NALF1: variants seen among roughly 807,000 people sequenced by gnomAD.
NALF1 encodes the protein NALCN channel auxiliary factor 1.
A neutral mutation model predicts 48.4 loss-of-function variants in NALF1; 3 were observed. The ratio of observed to expected loss-of-function variants is 0.06; its 90% CI spans 0.03 to 0.16. The LOEUF (loss-of-function observed/expected upper bound fraction) is 0.16. NALF1 is among the 10% of genes least tolerant of loss of function. The probability of loss-of-function intolerance (pLI) is 1.00; values close to 1 mark genes in which losing one functional copy is unlikely to be tolerated. For missense variants in NALF1, 526 were observed against 571.5 expected, an observed-to-expected ratio of 0.92 and a Z score of 0.81; for synonymous variants, 262 against 245.7, an observed-to-expected ratio of 1.07 and a Z score of -0.62.
chr13:107,673,496 A>G (rs1294831557), intron 1 of NALF1, among the ~76,000 whole-genome samples: 1 of 152,158 alleles, frequency 6.6e-6, no homozygotes, highest in Non-Finnish European at 1.5e-5. Context: ...AAAAGAATCC[A>G]TGAGCTCAGA....
chr13:107,409,043 G>A (rs1242052494), intron 1 of NALF1, among the ~76,000 whole-genome samples: 1 of 152,084 alleles, frequency 6.6e-6, no homozygotes, highest in Admixed American at 6.6e-5. Flanking sequence ...AGCCCAACAT[G>A]AATAGACTGT....
At chr13:107,236,836 C>A (rs7322451) in intron 1 of NALF1, among the ~76,000 whole-genome samples, 25,033 of 152,066 alleles carry the variant, frequency 0.16, 2,584 homozygotes, top group East Asian at 0.41. Context: ...TTTGTCTGTA[C>A]TGAACATGTA....
intron 1 of NALF1, among the ~76,000 whole-genome samples, chr13:107,779,744 G>T (rs1877832600): frequency 1.3e-5 from 2 of 152,110 alleles, no homozygotes; most frequent in Admixed American, 1.3e-4. Flanking sequence ...GTTTCCCATT[G>T]AATCCCTTCT....
At chr13:107,501,405 A>T (rs59824216) in intron 1 of NALF1, among the ~76,000 whole-genome samples, 13 of 151,520 alleles carry the variant, frequency 8.6e-5, no homozygotes, top group Non-Finnish European at 1.6e-4. Flanking sequence ...ACTTTGTTTA[A>T]TTTTTTTTTA....
At chr13:107,779,795 C>T (rs887386678) in intron 1 of NALF1, among the ~76,000 whole-genome samples, 2 of 152,176 alleles carry the variant, frequency 1.3e-5, no homozygotes, top group African/African-American at 4.8e-5. Flanking sequence ...AACCTCAGTT[C>T]TAAAACCTCA....
chr13:107,300,827 G>T (rs189595446), intron 1 of NALF1, among the ~76,000 whole-genome samples: 2 of 152,140 alleles, frequency 1.3e-5, no homozygotes. Flanking sequence ...TTAGCTAAAC[G>T]AGAGGAACAG....
chr13:107,582,833 C>G (rs1043504916), intron 1 of NALF1, among the ~76,000 whole-genome samples: 7 of 152,132 alleles, frequency 4.6e-5, no homozygotes, highest in African/African-American at 1.7e-4. Flanking sequence ...TTGAAACTTT[C>G]ATGTGTAATC....
chr13:107,544,389 C>A (rs1302724980), intron 1 of NALF1, among the ~76,000 whole-genome samples: 1 of 152,056 alleles, frequency 6.6e-6, no homozygotes, highest in South Asian at 2.1e-4. Context: ...TGACTCAAGC[C>A]ATAATTGAAA....
chr13:107,811,726 A>G, intron 1 of NALF1, among the ~76,000 whole-genome samples: 1 of 152,196 alleles, frequency 6.6e-6, no homozygotes, highest in Non-Finnish European at 1.5e-5. Context: ...TGGTAAGTCC[A>G]AGAATATGGC....
chr13:107,446,041 C>A (rs558537593), intron 1 of NALF1, among the ~76,000 whole-genome samples: 12 of 152,148 alleles, frequency 7.9e-5, no homozygotes, highest in Non-Finnish European at 1.8e-4. Flanking sequence ...CGGGTTCAAG[C>A]GATTCTCCTG....
chr13:107,638,206 T>A lies in NALF1; in HGVS notation c.915+227476A>T, dbSNP rs930108290. Among the ~76,000 whole-genome samples the A allele has an allele frequency of 1.4e-4, 21 of 146,402 alleles. 1 individual carries two copies. The highest frequency in any genetic ancestry group is 3.6e-3 in the Middle Eastern group (1 of 276). ...AAAGATTTATATATATATATATATA[T>A]AATTTAAGATGAACATTGGGAGATA... On this transcript the variant is annotated intron_variant, in intron 1 of 2. Transcript: ENST00000375915.
chr13:107,411,507 G>A (rs1419441654), intron 1 of NALF1, among the ~76,000 whole-genome samples: 1 of 151,966 alleles, frequency 6.6e-6, no homozygotes, highest in Non-Finnish European at 1.5e-5. Flanking sequence ...GAAATCATGG[G>A]TTTATTCCTC....
chr13:107,855,533 T>C (rs565505447), intron 1 of NALF1, among the ~76,000 whole-genome samples: 1 of 152,306 alleles, frequency 6.6e-6, no homozygotes, highest in African/African-American at 2.4e-5. Context: ...CATTATCTTT[T>C]ATGTACCAAA....
intron 1 of NALF1, chr13:107,320,814 A>T (rs986727684): frequency 6.6e-6 from 1 of 152,148 alleles, no homozygotes; most frequent in Non-Finnish European, 1.5e-5. Flanking sequence ...TTTGGCTGTG[A>T]ATATCTCTGA....
chr13:107,716,052 T>G lies in NALF1; in HGVS notation c.915+149630A>C, dbSNP rs903866302. On this transcript the variant is annotated intron_variant, in intron 1 of 2. Transcript: ENST00000375915. Reference sequence around the variant, plus strand: ...AAGAAGGAAACTTAGGGTGTTAAACTTAGGGTGTCCATCTCAGGCAGTAAT... The same window carrying G: ...AAGAAGGAAACTTAGGGTGTTAAACGTAGGGTGTCCATCTCAGGCAGTAAT... Among the ~76,000 whole-genome samples, 5 of 152,124 alleles carry G rather than the reference T, an allele frequency of 3.3e-5. No individual in the cohort carries two copies. In the East Asian group the frequency reaches 7.7e-4, roughly 24 times the overall value.
At chr13:107,404,097 G>C (rs941426087) in intron 1 of NALF1, among the ~76,000 whole-genome samples, 2 of 152,036 alleles carry the variant, frequency 1.3e-5, no homozygotes, top group Non-Finnish European at 2.9e-5. Flanking sequence ...TCATGAGAAA[G>C]GTAACCTTAA....
chr13:107,220,490 G>A (rs1879966930), intron 1 of NALF1, among the ~76,000 whole-genome samples: 1 of 152,176 alleles, frequency 6.6e-6, no homozygotes, highest in Admixed American at 6.5e-5. Flanking sequence ...ATACAGACTT[G>A]TAGCCTGTTA....
chr13:107,641,559 G>A (rs922314705), intron 1 of NALF1, among the ~76,000 whole-genome samples: 2 of 152,044 alleles, frequency 1.3e-5, no homozygotes, highest in African/African-American at 4.8e-5. Flanking sequence ...CATAATTTTA[G>A]TTGGAAAAAA....
chr13:107,566,239 C>T (rs1877806319), intron 1 of NALF1, among the ~76,000 whole-genome samples: 1 of 152,122 alleles, frequency 6.6e-6, no homozygotes, highest in African/African-American at 2.4e-5. Context: ...TTATGGGAGG[C>T]TTGAGCAAAG....
Sources: gnomAD v4.1 joint callset for allele counts (sites outside exome capture counted in the v4.1 genomes callset) on GRCh38, gnomAD v4.1.1 for gene constraint, MANE v1.5 for transcripts, NCBI Gene and HGNC (gene_info 2026-07-23, HGNC 2026-07-21) for gene names.